The following CCDC126 variants were observed in gnomAD, a reference collection of about 807,000 sequenced individuals.
CCDC126 encodes coiled-coil domain containing 126.
CCDC126 carries 5 observed loss-of-function variants against 11.7 expected under a neutral mutation model. The observed-to-expected ratio is 0.43, with a 90% CI of 0.22 to 0.90. The LOEUF is 0.90. Among genes scored for constraint, CCDC126 ranks in the 40% least tolerant of loss-of-function variants. The pLI, the probability that CCDC126 is intolerant of heterozygous loss-of-function variation, is 0.27. For synonymous variants in CCDC126, 60 were observed against 61.9 expected (o/e 0.97, Z 0.14); for missense variants, 150 against 163.1 (o/e 0.92, Z 0.44).
rs111327770 is a variant in CCDC126 at position 23,611,696 on chromosome 7, A to G, written c.238+143A>G. The G allele has an allele frequency of 1.2e-3, 787 of 639,168 alleles. 8 individuals are homozygous for G. In the African/African-American group the frequency reaches 0.013, roughly 11 times the overall value. 39.6% of individuals were successfully genotyped at this position (639,168 alleles called of 1,614,324 possible). A position where few individuals can be genotyped will look rare whatever the true frequency, so the allele number is the denominator to read the frequency against. Reference sequence around the variant, plus strand: ...TATTATGAAAATTTCAAATGTACTGAAAAATAGAGATACTATGATAAATAC... The same window carrying G: ...TATTATGAAAATTTCAAATGTACTGGAAAATAGAGATACTATGATAAATAC... On this transcript the variant is annotated intron_variant, in intron 3 of 3. Coordinates refer to ENST00000307471, the MANE Select transcript of CCDC126 (RefSeq NM_138771.4).
intron 3 of CCDC126, among the ~76,000 whole-genome samples, chr7:23,621,485 A>G (rs1782896262): frequency 6.6e-6 from 1 of 152,196 alleles, no homozygotes; most frequent in Admixed American, 6.5e-5. Flanking sequence ...TTGGGCTGAG[A>G]TGATGGGGTT....
chr7:23,624,381 C>T (rs781675056), intron 3 of CCDC126, among the ~76,000 whole-genome samples: 5 of 152,092 alleles, frequency 3.3e-5, no homozygotes, highest in Non-Finnish European at 7.4e-5. Context: ...GGCCTCATGT[C>T]GTCCTTCCAC....
At position 23,611,321 on chromosome 7, in the gene CCDC126, T is replaced by C. The variant is rs1716179745; in HGVS notation, c.6T>C (p.Phe2=). 6.2e-7 allele frequency: 1 copy of C among 1,603,808 alleles called. No individual in the cohort carries two copies. Among genetic ancestry groups the C allele is most frequent in the African/African-American group, 1.3e-5 (1 of 74,820 alleles). Residue 2 remains phenylalanine, a synonymous_variant, in exon 3 of 4, where the codon TTT becomes TTC. Transcript: ENST00000307471. ...GTTTGTTTGCTTCTTCAGAAATGTT[T>C]TTTACAATCTCAAGAAAAAATATGT... M[F]FTISRKNMSQ...
At position 23,623,066 on chromosome 7, in the gene CCDC126, C is replaced by T. The variant is rs192428091; in HGVS notation, c.238+11513C>T. Reference sequence around the variant, plus strand: ...TCAGCTCACTGCAGCCTCTGCCTCCCGGGTTCAGGCGGTTCTCCTGCCTTA... The same window carrying T: ...TCAGCTCACTGCAGCCTCTGCCTCCTGGGTTCAGGCGGTTCTCCTGCCTTA... On this transcript the variant is annotated intron_variant, in intron 3 of 3. Coordinates refer to ENST00000307471, the MANE Select transcript of CCDC126 (RefSeq NM_138771.4). Among the ~76,000 whole-genome samples the T allele has an allele frequency of 2.5e-3, 375 of 151,402 alleles. 2 individuals carry two copies. The highest frequency in any genetic ancestry group is 5.4e-3 in the South Asian group (26 of 4,772).
At chr7:23,636,629 C>T (rs1359674019) in intron 3 of CCDC126, among the ~76,000 whole-genome samples, 2 of 140,812 alleles carry the variant, frequency 1.4e-5, no homozygotes, top group Non-Finnish European at 1.5e-5. Flanking sequence ...GCCTGGCAAC[C>T]GCCCCGTCTG....
At position 23,643,067 on chromosome 7, in the gene CCDC126, G is replaced by T. The variant is rs759976381; in HGVS notation, c.375G>T (p.Val125=). The change falls in exon 4 of 4, where the codon GTG becomes GTT. Residue 125 remains valine, a synonymous_variant. Coordinates refer to ENST00000307471, the MANE Select transcript of CCDC126 (RefSeq NM_138771.4). ...CCAATGGTACTAGTGGGAATTTGGT[G>T]CCAGTAACCACAAATAAAAGAACGA... is the stretch of plus-strand genomic sequence containing the variant. The part of the protein sequence containing the change: ...NTTNGTSGNL[V]PVTTNKRTNV... The T allele has an allele frequency of 6.2e-7, 1 of 1,614,150 alleles. No homozygotes were observed. The highest frequency in any genetic ancestry group is 1.1e-5 in the South Asian group (1 of 91,080).
chr7:23,614,107 A>T (rs982737555), intron 3 of CCDC126, among the ~76,000 whole-genome samples: 1 of 151,968 alleles, frequency 6.6e-6, no homozygotes, highest in African/African-American at 2.4e-5. Flanking sequence ...ACATTGATGG[A>T]CTCTTCATGA....
intron 3 of CCDC126, among the ~76,000 whole-genome samples, chr7:23,640,991 G>GATTTTTTTTTTTTTTTTTTTTTTTTTTT (rs754297249): frequency 3.6e-5 from 4 of 111,000 alleles, no homozygotes; most frequent in Non-Finnish European, 5.3e-5. Flanking sequence ...GAATCCTTTT[G>GATTTTTTTTTTTTTTTTTTTTTTTTTTT]GTTTTTTTTT....
chr7:23,604,936 T>TG (rs1782596190), intron 2 of CCDC126, among the ~76,000 whole-genome samples: 1 of 149,446 alleles, frequency 6.7e-6, no homozygotes. Flanking sequence ...AGGTGGAGCT[T>TG]GCAGTGAGCC....
At chr7:23,639,356 C>G (rs1256148920) in intron 3 of CCDC126, among the ~76,000 whole-genome samples, 1 of 152,022 alleles carries the variant, frequency 6.6e-6, no homozygotes, top group Non-Finnish European at 1.5e-5. Context: ...CACGCCTGGG[C>G]TAATTTTTTT....
intron 3 of CCDC126, among the ~76,000 whole-genome samples, chr7:23,614,668 A>G (rs1323703083): frequency 2.6e-5 from 4 of 152,236 alleles, no homozygotes; most frequent in Non-Finnish European, 5.9e-5. Context: ...TGACTCCTTT[A>G]TCGATGGGCA....
intron 3 of CCDC126, among the ~76,000 whole-genome samples, chr7:23,622,278 A>T (rs1373496171): frequency 6.6e-6 from 1 of 152,200 alleles, no homozygotes; most frequent in Non-Finnish European, 1.5e-5. Flanking sequence ...TGGTGTATTC[A>T]GAGATTCAGC....
intron 2 of CCDC126, among the ~76,000 whole-genome samples, chr7:23,608,313 C>T (rs995450779): frequency 2.6e-5 from 4 of 152,168 alleles, no homozygotes; most frequent in African/African-American, 9.7e-5. Context: ...AGGCAGCAGT[C>T]AGGCAGTTGG....
chr7:23,637,994 G>A (rs1783270390), intron 3 of CCDC126, among the ~76,000 whole-genome samples: 1 of 126,274 alleles, frequency 7.9e-6, no homozygotes, highest in South Asian at 2.8e-4. Flanking sequence ...CCGGCCAGCC[G>A]CCCTATCCAG....
At chr7:23,641,507 C>T (rs567403030) in intron 3 of CCDC126, among the ~76,000 whole-genome samples, 28 of 152,224 alleles carry the variant, frequency 1.8e-4, no homozygotes, top group Admixed American at 1.1e-3. Flanking sequence ...TTTTAAATAT[C>T]GATGAAGTCC....
intron 2 of CCDC126, among the ~76,000 whole-genome samples, chr7:23,604,518 A>G (rs775910239): frequency 1.3e-5 from 2 of 152,212 alleles, no homozygotes; most frequent in Admixed American, 6.5e-5. Flanking sequence ...ACCAAGAATT[A>G]GTAGCATTGT....
At position 23,621,259 on chromosome 7, in the gene CCDC126, C is replaced by T. The variant is rs1329889423; in HGVS notation, c.238+9706C>T. Among the ~76,000 whole-genome samples, 7 of 152,112 alleles carry T rather than the reference C, an allele frequency of 4.6e-5. No homozygotes were observed. The South Asian group carries it at 1.4e-3, about 31-fold the overall frequency. Reference sequence around the variant, plus strand: ...TTGTATCCTCTTTTATTTCGTTGAGCAGTGGTTTGTAGTTCTCCTTGAAGA... The same window carrying T: ...TTGTATCCTCTTTTATTTCGTTGAGTAGTGGTTTGTAGTTCTCCTTGAAGA... On this transcript the variant is annotated intron_variant, in intron 3 of 3. Coordinates refer to ENST00000307471, the MANE Select transcript of CCDC126 (RefSeq NM_138771.4).
intron 3 of CCDC126, among the ~76,000 whole-genome samples, chr7:23,625,169 T>C (rs1343872554): frequency 6.6e-6 from 1 of 152,252 alleles, no homozygotes; most frequent in Non-Finnish European, 1.5e-5. Context: ...TAAATGTCTT[T>C]CGTTTACTTC....
chr7:23,606,468 G>C lies in CCDC126; in HGVS notation c.-145-4703G>C, dbSNP rs577211286. On this transcript the variant is annotated intron_variant, in intron 2 of 3. Transcript: ENST00000307471. ...TTTGTTTTTGGAAGAATATTTGACT[G>C]CTCTGAGAAGAATGGATTGAAGTAG... Among the ~76,000 whole-genome samples the C allele has an allele frequency of 2.6e-5, 4 of 152,258 alleles. No individual in the cohort carries two copies. In the South Asian group the frequency reaches 8.3e-4, roughly 32 times the overall value.
Sources: gnomAD v4.1 joint callset for allele counts (sites outside exome capture counted in the v4.1 genomes callset) on GRCh38, gnomAD v4.1.1 for gene constraint, MANE v1.5 for transcripts, NCBI Gene and HGNC (gene_info 2026-07-23, HGNC 2026-07-21) for gene names.